CEP112: variants seen among roughly 807,000 people sequenced by gnomAD.
CEP112 encodes the protein centrosomal protein of 112 kDa.
In CEP112, 127 loss-of-function variants were observed where a neutral mutation model predicts 153.0. That is an observed-to-expected ratio of 0.83 (90% CI 0.72 to 0.96). CEP112 has a LOEUF of 0.96. Among genes scored for constraint, CEP112 ranks in the 40% least tolerant of loss-of-function variants. The pLI is 0.00. For missense variants in CEP112, 1,089 were observed against 1,101.2 expected (o/e 0.99, Z 0.16); for synonymous variants, 358 against 374.4 (o/e 0.96, Z 0.51).
chr17:65,772,096 C>T (rs2053390253), intron 21 of CEP112, among the ~76,000 whole-genome samples: 1 of 152,038 alleles, frequency 6.6e-6, no homozygotes, highest in African/African-American at 2.4e-5. Context: ...TTATACAATG[C>T]AGCTAAATCA....
chr17:66,053,663 A>T, intron 12 of CEP112, 73 bp downstream of exon 12: 1 of 1,465,726 alleles, frequency 6.8e-7, no homozygotes, highest in Non-Finnish European at 9.4e-7. Flanking sequence ...CACTGTGCAC[A>T]TCAGGGAAAC....
intron 23 of CEP112, among the ~76,000 whole-genome samples, chr17:65,728,417 A>C (rs2050304587): frequency 6.6e-6 from 1 of 152,204 alleles, no homozygotes; most frequent in Non-Finnish European, 1.5e-5. Context: ...GTAGCTAGGA[A>C]GGGTTGCAAG....
chr17:65,723,488 A>G (rs929797480), intron 23 of CEP112, among the ~76,000 whole-genome samples: 1 of 152,216 alleles, frequency 6.6e-6, no homozygotes, highest in Non-Finnish European at 1.5e-5. Flanking sequence ...CAGGAAGCCA[A>G]GTTTATTGGG....
At chr17:66,107,752 T>TA (rs2068847086) in intron 6 of CEP112, among the ~76,000 whole-genome samples, 1 of 152,072 alleles carries the variant, frequency 6.6e-6, no homozygotes, top group Non-Finnish European at 1.5e-5. Context: ...GCAATTACTG[T>TA]AAAAATACCA....
At chr17:65,936,489 C>T (rs2061311135) in intron 18 of CEP112, among the ~76,000 whole-genome samples, 1 of 152,072 alleles carries the variant, frequency 6.6e-6, no homozygotes, top group Non-Finnish European at 1.5e-5. Flanking sequence ...AGGCCAATAT[C>T]CCTAATGAAC....
At chr17:66,187,897 C>T (rs11868711) in intron 1 of CEP112, among the ~76,000 whole-genome samples, 5,189 of 152,212 alleles carry the variant, frequency 0.034, 132 homozygotes, top group Middle Eastern at 0.061. Flanking sequence ...TGCTTGATGA[C>T]ATCATCATCT....
intron 5 of CEP112, among the ~76,000 whole-genome samples, 194 bp downstream of exon 5, chr17:66,132,476 T>C (rs1409840582): frequency 1.3e-5 from 2 of 152,138 alleles, no homozygotes; most frequent in Admixed American, 1.3e-4. Flanking sequence ...CTCAGAATCA[T>C]TGAGGAAGTA....
intron 6 of CEP112, among the ~76,000 whole-genome samples, chr17:66,117,313 T>C (rs2069346738): frequency 6.6e-6 from 1 of 152,150 alleles, no homozygotes; most frequent in Admixed American, 6.5e-5. Flanking sequence ...TCAGCTCTTT[T>C]ACCCATCGTT....
intron 19 of CEP112, among the ~76,000 whole-genome samples, chr17:65,910,801 A>T (rs149966212): frequency 3.5e-4 from 54 of 152,352 alleles, no homozygotes; most frequent in Admixed American, 1.5e-3. Context: ...ATGAATGAAG[A>T]GATAAATGTG....
intron 17 of CEP112, among the ~76,000 whole-genome samples, chr17:66,002,917 C>T (rs749761267): frequency 6.6e-6 from 1 of 152,132 alleles, no homozygotes; most frequent in Non-Finnish European, 1.5e-5. Flanking sequence ...ATAGTCAAGG[C>T]AAATTTCTAC....
chr17:65,977,515 C>T (rs2063079552), intron 17 of CEP112, among the ~76,000 whole-genome samples: 1 of 152,200 alleles, frequency 6.6e-6, no homozygotes, highest in African/African-American at 2.4e-5. Flanking sequence ...AATGATGCGG[C>T]TGCCTTTGGA....
At chr17:65,808,181 T>C (rs867392508) in intron 21 of CEP112, among the ~76,000 whole-genome samples, 4 of 152,372 alleles carry the variant, frequency 2.6e-5, no homozygotes, top group Middle Eastern at 3.4e-3. Flanking sequence ...CTGTTGGGTT[T>C]TGGACTTGCG....
In CEP112 at chr17:65,995,787, G is replaced by A. The variant is rs1377667013; in HGVS notation, c.1736+9903C>T. Among the ~76,000 whole-genome samples, 7 of 152,198 alleles carry A rather than the reference G, an allele frequency of 4.6e-5. No homozygotes were observed. The South Asian group carries it at 1.2e-3, about 27-fold the overall frequency. On this transcript the variant is annotated intron_variant, in intron 17 of 26. Coordinates refer to ENST00000535342, the MANE Select transcript of CEP112 (RefSeq NM_001199165.4). Reference sequence around the variant, plus strand: ...TCCCATGTGTTGTAGGAGGGGCCCAGTGGGAGATAACTGAATCATGGGTAC... The same window carrying A: ...TCCCATGTGTTGTAGGAGGGGCCCAATGGGAGATAACTGAATCATGGGTAC...
At chr17:66,091,473 T>C (rs2068128605) in intron 8 of CEP112, among the ~76,000 whole-genome samples, 1 of 151,860 alleles carries the variant, frequency 6.6e-6, no homozygotes, top group Non-Finnish European at 1.5e-5. Context: ...AAAGAGAAAT[T>C]TAAAAATATC....
At chr17:65,908,694 C>CAA (rs60416390) in intron 19 of CEP112, among the ~76,000 whole-genome samples, 101 of 146,498 alleles carry the variant, frequency 6.9e-4, no homozygotes, top group South Asian at 1.3e-3. Context: ...AACTCTGTCT[C>CAA]AAAAAAAAAA....
chr17:65,835,788 G>C (rs543599779), intron 21 of CEP112, among the ~76,000 whole-genome samples: 52 of 152,266 alleles, frequency 3.4e-4, no homozygotes, highest in Admixed American at 3.3e-3. Context: ...ATATTAAACT[G>C]ACTTGGAAAA....
chr17:65,647,716 C>G (rs1353436915), intron 24 of CEP112, among the ~76,000 whole-genome samples: 1 of 151,418 alleles, frequency 6.6e-6, no homozygotes, highest in African/African-American at 2.4e-5. Flanking sequence ...CTCCTGGGCT[C>G]AAGTGATCCT....
chr17:66,050,985 A>T (rs2145912789), intron 12 of CEP112, among the ~76,000 whole-genome samples: 1 of 152,058 alleles, frequency 6.6e-6, no homozygotes, highest in Admixed American at 6.6e-5. Context: ...TCATCAAACA[A>T]ATGTGTTAAT....
intron 20 of CEP112, among the ~76,000 whole-genome samples, chr17:65,892,919 C>T (rs754243101): frequency 8.6e-5 from 13 of 152,008 alleles, no homozygotes; most frequent in Non-Finnish European, 1.5e-4. Context: ...TTGAAAATAA[C>T]GAAATAAGTA....
Sources: gnomAD v4.1 joint callset for allele counts (sites outside exome capture counted in the v4.1 genomes callset) on GRCh38, gnomAD v4.1.1 for gene constraint, MANE v1.5 for transcripts, NCBI Gene and HGNC (gene_info 2026-07-23, HGNC 2026-07-21) for gene names.